Variants in ACOT9 observed in about 807,000 individuals in gnomAD.
ACOT9 encodes acyl-coenzyme A thioesterase 9, mitochondrial.
Under a neutral mutation model 39.7 loss-of-function variants are expected in ACOT9, and 34 were observed. That is an observed-to-expected ratio of 0.86 (90% CI 0.65 to 1.14). The LOEUF is 1.14. Ranked by LOEUF, ACOT9 falls within the 50% of genes most tolerant of loss-of-function variation. ACOT9 has a pLI of 0.00. For missense variants in ACOT9, 313 were observed against 344.1 expected, an observed-to-expected ratio of 0.91 and a Z score of 0.71; for synonymous variants, 110 against 120.5, an observed-to-expected ratio of 0.91 and a Z score of 0.57.
intron 1 of ACOT9, among the ~76,000 whole-genome samples, chrX:23,742,233 AGAGG>A (rs1438793625): frequency 3.4e-4 from 18 of 52,412 alleles, no homozygotes; most frequent in African/African-American, 1.7e-3. Context: ...AGAGAGAGAG[AGAGG>A]GAGAGAGAGA....
intron 13 of ACOT9, 45 bp from the exon 14 acceptor site, chrX:23,705,125 G>A: frequency 9.2e-7 from 1 of 1,085,620 alleles, no homozygotes; most frequent in Non-Finnish European, 1.3e-6. Flanking sequence ...GCAAAATTCA[G>A]ATGATCTCAA....
intron 4 of ACOT9, among the ~76,000 whole-genome samples, chrX:23,731,474 CAAAAA>C (rs59649997): frequency 4.8e-4 from 33 of 68,735 alleles, no homozygotes; most frequent in East Asian, 3.2e-3. Context: ...AAGACTGTCT[CAAAAA>C]AAAAAAAAAA....
chrX:23,722,004 C>A lies in ACOT9; in HGVS notation c.485-20G>T. 4 of 1,155,272 alleles carry A rather than the reference C, an allele frequency of 3.5e-6. No homozygotes were observed. Among genetic ancestry groups the A allele is most frequent in the Non-Finnish European group, 4.7e-6 (4 of 851,175 alleles). On this transcript the variant is annotated intron_variant, in intron 7 of 15. Transcript: ENST00000379303. ...ACATATCTGCAAAACAGAAGTCAAT[C>A]AGGGTCCAAGTCATACCAAAAATTT...
intron 6 of ACOT9, among the ~76,000 whole-genome samples, chrX:23,723,599 CAAAAAA>C (rs34401071): frequency 1.3e-4 from 7 of 54,416 alleles, no homozygotes; most frequent in African/African-American, 2.8e-4. Flanking sequence ...AAGACTGTCT[CAAAAAA>C]AAAAAAAAAA....
intron 13 of ACOT9, 78 bp downstream of exon 13, chrX:23,705,431 C>T: frequency 1.3e-6 from 1 of 794,134 alleles, no homozygotes; most frequent in Non-Finnish European, 1.9e-6. Context: ...CACACCCAGA[C>T]TGGTCCGAAA....
chrX:23,743,237 G>C lies in ACOT9; in HGVS notation c.-93C>G. 9.5e-7 allele frequency: 1 copy of C among 1,050,682 alleles called. No homozygotes were observed. Among genetic ancestry groups the C allele is most frequent in the African/African-American group, 1.9e-5 (1 of 53,298 alleles). The allele number at this position is 1,050,682 out of a possible 1,213,427, so 86.6% of individuals were successfully genotyped here. A position where few individuals can be genotyped will look rare whatever the true frequency, so the allele number is the denominator to read the frequency against. ...GGCGATAAAAGACGCACGAGTACCA[G>C]ACCGCGCCCTTGCTGAGGACAGCCC... is the stretch of plus-strand genomic sequence containing the variant. On this transcript the variant is annotated 5_prime_UTR_variant, in exon 1 of 16. Coordinates refer to ENST00000379303, the MANE Select transcript of ACOT9 (RefSeq NM_001037171.2).
At chrX:23,729,407 T>C (rs1321302340) in intron 6 of ACOT9, among the ~76,000 whole-genome samples, 3 of 111,997 alleles carry the variant, frequency 2.7e-5, no homozygotes, top group Non-Finnish European at 5.6e-5. Context: ...CAACATATGA[T>C]TCAGAACTGG....
In ACOT9 at chrX:23,709,965, G is replaced by A. The variant is rs754692409; in HGVS notation, c.663-2021C>T. On this transcript the variant is annotated intron_variant, in intron 9 of 15. Coordinates refer to ENST00000379303, the MANE Select transcript of ACOT9 (RefSeq NM_001037171.2). ...TGCAGTGGTGCGACCTTGGCTCACT[G>A]CAACCTCTGCTTCCCGGGTTAAAGC... Among the ~76,000 whole-genome samples the A allele has an allele frequency of 6.1e-4, 68 of 111,864 alleles. No individual in the cohort carries two copies. The Admixed American group carries it at 6.4e-3, about 10-fold the overall frequency.
At chrX:23,722,915 A>T (rs1929370991) in intron 6 of ACOT9, among the ~76,000 whole-genome samples, 162 bp from the exon 7 acceptor site, 1 of 111,570 alleles carries the variant, frequency 9.0e-6, no homozygotes, top group African/African-American at 3.3e-5. Context: ...ACTTTTATAA[A>T]TTGAAGGATT....
chrX:23,701,660 A>C lies in ACOT9; in HGVS notation c.*2234T>G, dbSNP rs1248325394. ...ATAATTTTTTAACTTTTTGTAGAGA[A>C]AGGGTCTCACTATGTTTCCCAGGCT... On this transcript the variant is annotated 3_prime_UTR_variant, in exon 16 of 16. Coordinates refer to ENST00000379303, the MANE Select transcript of ACOT9 (RefSeq NM_001037171.2). Among the ~76,000 whole-genome samples, 1 of 111,111 alleles carries C rather than the reference A, an allele frequency of 9.0e-6. No individual in the cohort carries two copies. The highest frequency in any genetic ancestry group is 1.9e-5 in the Non-Finnish European group (1 of 52,935).
chrX:23,720,024 A>G (rs112806516), intron 8 of ACOT9, among the ~76,000 whole-genome samples: 5,024 of 111,262 alleles, frequency 0.045, 232 homozygotes, highest in African/African-American at 0.14. Context: ...TAGTAGAGAC[A>G]GGGTTTCACC....
At chrX:23,728,487 T>C (rs758953509) in intron 6 of ACOT9, among the ~76,000 whole-genome samples, 4 of 110,873 alleles carry the variant, frequency 3.6e-5, no homozygotes, top group South Asian at 7.6e-4. Flanking sequence ...ATGGAGCCAG[T>C]TGGAGAAGGG....
At chrX:23,717,271 T>G (rs1929116247) in intron 8 of ACOT9, among the ~76,000 whole-genome samples, 1 of 111,180 alleles carries the variant, frequency 9.0e-6, no homozygotes, top group Admixed American at 9.7e-5. Flanking sequence ...ATTGGAGCCG[T>G]GAGCCACTGC....
At chrX:23,721,804 T>C in intron 8 of ACOT9, 77 bp downstream of exon 8, 1 of 837,458 alleles carries the variant, frequency 1.2e-6, no homozygotes, top group East Asian at 3.2e-5. Context: ...TACAGATACA[T>C]AGGTAAATAA....
chrX:23,726,948 T>A (rs1421203183), intron 6 of ACOT9, among the ~76,000 whole-genome samples: 1 of 107,732 alleles, frequency 9.3e-6, no homozygotes, highest in Non-Finnish European at 1.9e-5. Flanking sequence ...GCCTCCCGAG[T>A]AGCTGGGATT....
chrX:23,717,457 C>T (rs891116808), intron 8 of ACOT9, among the ~76,000 whole-genome samples: 12 of 111,494 alleles, frequency 1.1e-4, no homozygotes, highest in Admixed American at 7.8e-4. Context: ...AATTAAAAGA[C>T]GGTTAAGGCA....
rs1009047149 is a variant in ACOT9, at chrX:23,736,967, A to AT, written c.21-952dup. On this transcript the variant is annotated intron_variant, in intron 1 of 15. Transcript: ENST00000379303. ...AGCACACAGGCAATATCACAGATTA[A>AT]TAAACTGATCTGTGAGAGCACAGTT... Among the ~76,000 whole-genome samples, 14 of 112,250 alleles carry AT rather than the reference A, an allele frequency of 1.2e-4. No homozygotes were observed. The Middle Eastern group carries it at 0.014, about 111-fold the overall frequency.
intron 15 of ACOT9, among the ~76,000 whole-genome samples, 184 bp from the exon 16 acceptor site, chrX:23,704,166 GT>G (rs1162671112): frequency 0.089 from 5,894 of 65,989 alleles, 116 homozygotes; most frequent in East Asian, 0.21. Flanking sequence ...GGCTGGATCA[GT>G]TTTTTTTTTT....
chrX:23,733,992 C>T (rs1391658406), intron 3 of ACOT9, among the ~76,000 whole-genome samples: 1 of 111,482 alleles, frequency 9.0e-6, no homozygotes, highest in East Asian at 2.8e-4. Context: ...AACTCCTGAC[C>T]TCAGGTGATC....
Sources: gnomAD v4.1 joint callset for allele counts (sites outside exome capture counted in the v4.1 genomes callset) on GRCh38, gnomAD v4.1.1 for gene constraint, MANE v1.5 for transcripts, NCBI Gene and HGNC (gene_info 2026-07-23, HGNC 2026-07-21) for gene names.